The following MYO5B variants were observed in gnomAD, a reference collection of about 807,000 sequenced individuals.
MYO5B encodes myosin VB, also known as unconventional myosin-Vb.
A neutral mutation model predicts 229.3 loss-of-function variants in MYO5B; 143 were observed. That is an observed-to-expected ratio of 0.62 (90% CI 0.54 to 0.72). The LOEUF (loss-of-function observed/expected upper bound fraction) is 0.72, where lower values mean the gene tolerates loss of function less well. Ranked by LOEUF, MYO5B falls within the 30% of genes least tolerant of loss-of-function variation. The pLI is 0.00. For missense variants in MYO5B, 2,321 were observed against 2,331.0 expected, an observed-to-expected ratio of 1.00 and a Z score of 0.09; for synonymous variants, 918 against 885.2, an observed-to-expected ratio of 1.04 and a Z score of -0.66.
Position 49,864,193 on chromosome 18 carries a change from A to T in MYO5B, c.3791T>A (p.Leu1264His). 1 of 1,613,232 alleles carries T rather than the reference A, an allele frequency of 6.2e-7. No homozygotes were observed. The highest frequency in any genetic ancestry group is 1.1e-5 in the South Asian group (1 of 91,084). The change falls in exon 28 of 40, where the codon CTC becomes CAC. Residue 1264 changes from leucine (L) to histidine (H), a missense_variant. Physicochemically the swap from Leu to His is moderately conservative, Grantham distance 99 (BLOSUM62 -3). Coordinates refer to ENST00000285039, the MANE Select transcript of MYO5B (RefSeq NM_001080467.3). ...LEVRKEEVLI[L>H]RTQIVSADQR... ...GTCGGCGCTCACGATCTGGGTCCTG[A>T]GGATGAGCACCTCCTCCTTGCGCAC...
chr18:50,116,780 G>T (rs1006445310), intron 1 of MYO5B, among the ~76,000 whole-genome samples: 2 of 149,692 alleles, frequency 1.3e-5, no homozygotes, highest in Non-Finnish European at 3.0e-5. Flanking sequence ...GGGTATTCAG[G>T]AGTCTTTAAC....
chr18:50,088,587 C>T (rs574866001), intron 1 of MYO5B, among the ~76,000 whole-genome samples: 1 of 152,208 alleles, frequency 6.6e-6, no homozygotes, highest in Non-Finnish European at 1.5e-5. Context: ...TCCTTTTGCA[C>T]AACCCATAGC....
chr18:50,006,225 G>T (rs2026099348), intron 4 of MYO5B, among the ~76,000 whole-genome samples: 1 of 152,148 alleles, frequency 6.6e-6, no homozygotes, highest in Non-Finnish European at 1.5e-5. Context: ...CGTTAAGGGG[G>T]AGATGTTTAC....
At chr18:49,975,365 A>T (rs1024534014) in intron 9 of MYO5B, among the ~76,000 whole-genome samples, 24 of 152,130 alleles carry the variant, frequency 1.6e-4, no homozygotes, top group Admixed American at 9.8e-4. Flanking sequence ...CACCTTGAAG[A>T]GTTTCTGAAA....
At chr18:49,958,811 C>CT (rs1287926088) in intron 12 of MYO5B, among the ~76,000 whole-genome samples, 8 of 152,302 alleles carry the variant, frequency 5.3e-5, no homozygotes, top group Middle Eastern at 3.4e-3. Context: ...TGCTGAGCTC[C>CT]TGGAAGCCCT....
intron 14 of MYO5B, among the ~76,000 whole-genome samples, chr18:49,945,657 C>T (rs1158024915): frequency 6.6e-6 from 1 of 152,082 alleles, no homozygotes; most frequent in Non-Finnish European, 1.5e-5. Context: ...ATTTGTTTGT[C>T]CTCACTGTCT....
At chr18:49,961,012 C>G (rs368904105) in intron 12 of MYO5B, among the ~76,000 whole-genome samples, 1 of 152,164 alleles carries the variant, frequency 6.6e-6, no homozygotes, top group Non-Finnish European at 1.5e-5. Context: ...GGGTATGGAG[C>G]TGGAGGAGAC....
intron 7 of MYO5B, among the ~76,000 whole-genome samples, chr18:49,990,128 C>T (rs1209941427): frequency 6.6e-6 from 1 of 152,210 alleles, no homozygotes; most frequent in African/African-American, 2.4e-5. Flanking sequence ...GACACATTTC[C>T]TATGATGCTT....
intron 4 of MYO5B, among the ~76,000 whole-genome samples, chr18:50,007,859 T>C (rs2026119557): frequency 6.6e-6 from 1 of 152,226 alleles, no homozygotes; most frequent in South Asian, 2.1e-4. Context: ...TTGCTTAAGA[T>C]TCATAAGATC....
At chr18:49,958,885 C>T (rs952106952) in intron 12 of MYO5B, among the ~76,000 whole-genome samples, 6 of 152,186 alleles carry the variant, frequency 3.9e-5, no homozygotes, top group African/African-American at 1.4e-4. Context: ...GTCTCCCCAC[C>T]TCAGCTTGCA....
intron 27 of MYO5B, among the ~76,000 whole-genome samples, chr18:49,871,299 A>T (rs113855445): frequency 0.017 from 2,567 of 152,328 alleles, 75 homozygotes; most frequent in South Asian, 0.13. Flanking sequence ...GAAGTTGTTA[A>T]TGGGTACGGG....
chr18:50,018,403 C>T (rs1247363096), intron 4 of MYO5B, among the ~76,000 whole-genome samples: 1 of 151,506 alleles, frequency 6.6e-6, no homozygotes, highest in Admixed American at 6.6e-5. Context: ...AAGATCTTAA[C>T]TTCTTCAATT....
At chr18:49,875,952 G>A (rs749067176) in intron 25 of MYO5B, 125 bp from the exon 26 acceptor site, 1 of 1,138,982 alleles carries the variant, frequency 8.8e-7, no homozygotes, top group Non-Finnish European at 1.3e-6. Context: ...ACATCAATTT[G>A]CATCTCAAAT....
At chr18:49,953,054 A>T (rs1019939361) in intron 14 of MYO5B, among the ~76,000 whole-genome samples, 4 of 152,016 alleles carry the variant, frequency 2.6e-5, no homozygotes, top group Non-Finnish European at 4.4e-5. Context: ...ATCAGGCCAT[A>T]CTAAAGTGTT....
chr18:50,116,890 AATG>A, intron 1 of MYO5B, among the ~76,000 whole-genome samples: 1 of 152,236 alleles, frequency 6.6e-6, no homozygotes, highest in East Asian at 1.9e-4. Flanking sequence ...CAACATCAAC[AATG>A]AAGAATCAGC....
At chr18:49,872,524 G>GC (rs111437243) in intron 26 of MYO5B, among the ~76,000 whole-genome samples, 7 of 151,656 alleles carry the variant, frequency 4.6e-5, no homozygotes, top group East Asian at 3.9e-4. Context: ...CTTGAATTTT[G>GC]CCCCCCCAAA....
At position 49,971,425 on chromosome 18, in the gene MYO5B, C is replaced by T. The variant is rs530835845; in HGVS notation, c.1322+2925G>A. On this transcript the variant is annotated intron_variant, in intron 10 of 39. Coordinates refer to ENST00000285039, the MANE Select transcript of MYO5B (RefSeq NM_001080467.3). ...GTGGAAAGGGGCAGATGACAGTAAA[C>T]GGCTCACACATGCTATCCCAAGTTT... Among the ~76,000 whole-genome samples the T allele has an allele frequency of 1.5e-4, 23 of 152,332 alleles. No homozygotes were observed. In the South Asian group the frequency reaches 3.9e-3, roughly 26 times the overall value.
intron 1 of MYO5B, among the ~76,000 whole-genome samples, chr18:50,187,955 G>C (rs956120042): frequency 1.3e-5 from 2 of 152,130 alleles, no homozygotes; most frequent in African/African-American, 4.8e-5. Flanking sequence ...GAACATTAGT[G>C]AAAAAGGTGG....
intron 1 of MYO5B, among the ~76,000 whole-genome samples, chr18:50,183,890 G>A (rs2033111711): frequency 6.6e-6 from 1 of 152,104 alleles, no homozygotes; most frequent in African/African-American, 2.4e-5. Context: ...ACGACAGTGA[G>A]TTGTTATGAC....
Sources: allele counts gnomAD v4.1 joint callset (sites outside exome capture counted in the v4.1 genomes callset), GRCh38; gene constraint gnomAD v4.1.1; transcripts MANE v1.5; gene names NCBI Gene and HGNC (gene_info 2026-07-23, HGNC 2026-07-21).